The following NEGR1 variants were observed in gnomAD, a reference collection of about 807,000 sequenced individuals.
NEGR1 encodes IgLON family member 4.
A neutral mutation model predicts 40.9 loss-of-function variants in NEGR1; 10 were observed. That is an observed-to-expected ratio of 0.24 (90% confidence interval 0.15 to 0.42). The LOEUF (loss-of-function observed/expected upper bound fraction) is 0.42. NEGR1 is among the 10% of genes least tolerant of loss of function. The probability of loss-of-function intolerance (pLI) is 1.00; values close to 1 mark genes in which losing one functional copy is unlikely to be tolerated. For synonymous variants in NEGR1, 185 were observed against 166.8 expected, an observed-to-expected ratio of 1.11 and a Z score of -0.84; for missense variants, 352 against 438.9, an observed-to-expected ratio of 0.80 and a Z score of 1.77.
intron 2 of NEGR1, among the ~76,000 whole-genome samples, chr1:71,791,475 C>T (rs1657115230): frequency 6.6e-6 from 1 of 151,974 alleles, no homozygotes; most frequent in African/African-American, 2.4e-5. Flanking sequence ...TTGGCAAATG[C>T]TATAAATTAT....
At chr1:72,191,788 C>T (rs1652828945) in intron 1 of NEGR1, among the ~76,000 whole-genome samples, 1 of 151,330 alleles carries the variant, frequency 6.6e-6, no homozygotes, top group Non-Finnish European at 1.5e-5. Flanking sequence ...TAAGGCCATT[C>T]ATATCAACTG....
chr1:71,466,062 G>A (rs1184552126), intron 6 of NEGR1, among the ~76,000 whole-genome samples: 4 of 151,964 alleles, frequency 2.6e-5, no homozygotes, highest in Non-Finnish European at 4.4e-5. Context: ...TTTCCTAGAT[G>A]TGTGACCACT....
intron 4 of NEGR1, among the ~76,000 whole-genome samples, chr1:71,643,372 G>A (rs780343712): frequency 2.6e-5 from 4 of 151,870 alleles, no homozygotes; most frequent in Non-Finnish European, 2.9e-5. Flanking sequence ...GAGTACTTTC[G>A]TCCAGAAAAA....
At chr1:71,655,592 C>T (rs1485780679) in intron 4 of NEGR1, among the ~76,000 whole-genome samples, 1 of 151,998 alleles carries the variant, frequency 6.6e-6, no homozygotes, top group African/African-American at 2.4e-5. Context: ...ATCACAAAAC[C>T]AACATCCTAA....
intron 1 of NEGR1, among the ~76,000 whole-genome samples, chr1:72,189,384 T>TGTG (rs1652732647): frequency 6.6e-6 from 1 of 151,540 alleles, no homozygotes; most frequent in Non-Finnish European, 1.5e-5. Flanking sequence ...CACAAGAAGC[T>TGTG]AGAAAATTTC....
At chr1:71,546,622 TATCATCATTAC>T in intron 6 of NEGR1, among the ~76,000 whole-genome samples, 1 of 151,784 alleles carries the variant, frequency 6.6e-6, no homozygotes, top group East Asian at 2.0e-4. Flanking sequence ...GTACTATTAC[TATCATCATTAC>T]TAAAGAAAAG....
intron 4 of NEGR1, among the ~76,000 whole-genome samples, chr1:71,679,711 C>G (rs1652767062): frequency 1.3e-5 from 2 of 151,992 alleles, no homozygotes; most frequent in African/African-American, 4.8e-5. Flanking sequence ...ATGGTAAGAG[C>G]CTCTATTGAA....
chr1:72,065,452 G>A (rs1282669084), intron 1 of NEGR1, among the ~76,000 whole-genome samples: 2 of 152,012 alleles, frequency 1.3e-5, no homozygotes, highest in South Asian at 2.1e-4. Flanking sequence ...ATTGCTAACT[G>A]TCTGCCCAAA....
intron 1 of NEGR1, among the ~76,000 whole-genome samples, chr1:72,032,958 A>G (rs1248075708): frequency 6.6e-6 from 1 of 152,152 alleles, no homozygotes; most frequent in East Asian, 1.9e-4. Flanking sequence ...CTAGCACAGA[A>G]TAATTGCCAT....
At chr1:71,781,768 A>G (rs933271669) in intron 2 of NEGR1, among the ~76,000 whole-genome samples, 3 of 152,176 alleles carry the variant, frequency 2.0e-5, no homozygotes, top group Non-Finnish European at 4.4e-5. Flanking sequence ...CTCATTACCA[A>G]AAACCTTTAA....
At chr1:71,537,328 G>A (rs1308128742) in intron 6 of NEGR1, among the ~76,000 whole-genome samples, 1 of 151,648 alleles carries the variant, frequency 6.6e-6, no homozygotes, top group Non-Finnish European at 1.5e-5. Flanking sequence ...CCTTCCAGAA[G>A]AAATATCCTA....
intron 1 of NEGR1, among the ~76,000 whole-genome samples, chr1:71,944,252 A>T (rs1269807805): frequency 1.3e-5 from 2 of 152,184 alleles, no homozygotes; most frequent in Non-Finnish European, 2.9e-5. Context: ...AGATACAAAG[A>T]TAATGAAAAC....
At chr1:72,144,966 T>C (rs1434454398) in intron 1 of NEGR1, among the ~76,000 whole-genome samples, 2 of 152,110 alleles carry the variant, frequency 1.3e-5, no homozygotes, top group Non-Finnish European at 2.9e-5. Flanking sequence ...CCTTCCATAT[T>C]CTGGATACCT....
At chr1:72,252,547 G>T (rs1655138637) in intron 1 of NEGR1, among the ~76,000 whole-genome samples, 1 of 152,148 alleles carries the variant, frequency 6.6e-6, no homozygotes, top group Non-Finnish European at 1.5e-5. Context: ...TAACACAGTT[G>T]TTGATATCTC....
At chr1:71,647,211 T>C (rs1651561074) in intron 4 of NEGR1, among the ~76,000 whole-genome samples, 1 of 151,832 alleles carries the variant, frequency 6.6e-6, no homozygotes, top group African/African-American at 2.4e-5. Flanking sequence ...GAAAGTTTCA[T>C]TTCTCACCAT....
intron 1 of NEGR1, among the ~76,000 whole-genome samples, chr1:72,164,775 C>G (rs545411146): frequency 6.6e-6 from 1 of 151,772 alleles, no homozygotes; most frequent in Non-Finnish European, 1.5e-5. Flanking sequence ...GTGGAGGAAC[C>G]AAATAAAGTG....
At chr1:72,127,901 GA>G (rs898827966) in intron 1 of NEGR1, among the ~76,000 whole-genome samples, 4 of 151,834 alleles carry the variant, frequency 2.6e-5, no homozygotes, top group East Asian at 3.9e-4. Context: ...ATTGGTTGTG[GA>G]AAAAACAAAA....
chr1:71,746,387 A>C (rs1431951308), intron 3 of NEGR1, among the ~76,000 whole-genome samples: 1 of 152,224 alleles, frequency 6.6e-6, no homozygotes, highest in Non-Finnish European at 1.5e-5. Flanking sequence ...CGGGATAGCA[A>C]ACTTAGATAG....
chr1:71,789,483 A>T (rs1657035013), intron 2 of NEGR1, among the ~76,000 whole-genome samples: 1 of 152,120 alleles, frequency 6.6e-6, no homozygotes, highest in East Asian at 1.9e-4. Context: ...CAAGGAACAG[A>T]AATACTTTGC....
Sources: gnomAD v4.1 joint callset for allele counts (sites outside exome capture counted in the v4.1 genomes callset) on GRCh38, gnomAD v4.1.1 for gene constraint, MANE v1.5 for transcripts, NCBI Gene and HGNC (gene_info 2026-07-23, HGNC 2026-07-21) for gene names.